Variants in NAV2 observed in about 807,000 individuals in gnomAD.
NAV2 encodes the protein helicase, APC down-regulated 1.
In NAV2, 54 loss-of-function variants were observed where a neutral mutation model predicts 223.2. The ratio of observed to expected loss-of-function variants is 0.24; its 90% CI spans 0.19 to 0.30. The LOEUF is 0.30. NAV2 is among the 10% of genes least tolerant of loss of function. The pLI, the probability that NAV2 is intolerant of heterozygous loss-of-function variation, is 1.00. For synonymous variants in NAV2, 1,279 were observed against 1,239.3 expected (o/e 1.03, Z -0.67); for missense variants, 2,806 against 3,147.5 (o/e 0.89, Z 2.60).
chr11:19,847,471 GC>G (rs1343768551), intron 3 of NAV2, among the ~76,000 whole-genome samples: 1 of 152,138 alleles, frequency 6.6e-6, no homozygotes, highest in East Asian at 1.9e-4. Context: ...GAGTCCTCCT[GC>G]CTTCTTCCCT....
At chr11:19,949,931 T>A (rs1457614696) in intron 10 of NAV2, among the ~76,000 whole-genome samples, 1 of 152,178 alleles carries the variant, frequency 6.6e-6, no homozygotes, top group Non-Finnish European at 1.5e-5. Flanking sequence ...ATATATGAAG[T>A]GAAGGGGAGT....
chr11:19,440,096 C>T (rs555983753), intron 1 of NAV2, among the ~76,000 whole-genome samples: 2 of 152,288 alleles, frequency 1.3e-5, no homozygotes, highest in Non-Finnish European at 2.9e-5. Flanking sequence ...AATGTTTAGT[C>T]GATCACACAC....
intron 1 of NAV2, among the ~76,000 whole-genome samples, chr11:19,410,430 CAGTT>C (rs1476093740): frequency 6.6e-6 from 1 of 152,168 alleles, no homozygotes; most frequent in Non-Finnish European, 1.5e-5. Flanking sequence ...TACTAAGTAG[CAGTT>C]ATTATCTCTA....
chr11:19,771,677 T>C (rs2055732256), intron 1 of NAV2, among the ~76,000 whole-genome samples: 1 of 152,064 alleles, frequency 6.6e-6, no homozygotes, highest in African/African-American at 2.4e-5. Flanking sequence ...ACATACTAAA[T>C]GCAGTGGCAT....
rs771799866 is a variant in NAV2, at chr11:19,933,817, A to G, written c.1573A>G (p.Ser525Gly). 1.2e-6 allele frequency: 2 copies of G among 1,613,546 alleles called. No individual in the cohort carries two copies. The highest frequency in any genetic ancestry group is 1.7e-6 in the Non-Finnish European group (2 of 1,179,880). Reference sequence around the variant, plus strand: ...CAAGGAGGAGCCAAAAGAAGACCCCAGTGGAGCAGCTGTGCCCGAGATGCC... The same window carrying G: ...CAAGGAGGAGCCAAAAGAAGACCCCGGTGGAGCAGCTGTGCCCGAGATGCC... ...DLKEEPKEDP[S>G]GAAVPEMPKK... The change falls in exon 7 of 38, where the codon AGT (serine) becomes GGT (glycine). Residue 525 changes from serine to glycine, a missense_variant. Transcript: ENST00000349880. The surrounding 1 kb of genome is among the most constrained non-coding windows in gnomAD (Gnocchi z 4.3).
At chr11:19,817,738 A>T (rs1005602877) in intron 1 of NAV2, among the ~76,000 whole-genome samples, 1 of 152,174 alleles carries the variant, frequency 6.6e-6, no homozygotes, top group Admixed American at 6.5e-5. Context: ...TGCTCTACCC[A>T]CTTGGCCCTG....
intron 1 of NAV2, among the ~76,000 whole-genome samples, chr11:19,536,898 G>A (rs1255679311): frequency 2.0e-5 from 3 of 152,178 alleles, no homozygotes; most frequent in Non-Finnish European, 4.4e-5. Flanking sequence ...CATGAACTTG[G>A]GCACAAACAT....
chr11:19,968,938 C>T (rs549542882), intron 10 of NAV2, among the ~76,000 whole-genome samples: 1 of 152,226 alleles, frequency 6.6e-6, no homozygotes, highest in Admixed American at 6.5e-5. Flanking sequence ...TCCTTGTCCG[C>T]AGGCTGGCTG....
At chr11:19,843,048 A>C in intron 3 of NAV2, 125 bp downstream of exon 3, 6 of 749,188 alleles carry the variant, frequency 8.0e-6, no homozygotes, top group Non-Finnish European at 1.3e-5. Flanking sequence ...TAATAAACTC[A>C]CAGCTATTTC....
At chr11:19,540,250 C>T (rs1052375774) in intron 1 of NAV2, among the ~76,000 whole-genome samples, 21 of 152,110 alleles carry the variant, frequency 1.4e-4, no homozygotes, top group Non-Finnish European at 2.6e-4. Context: ...GACTGGTTGC[C>T]GTCAAGGTCT....
At chr11:19,434,849 CTT>C (rs57000125) in intron 1 of NAV2, among the ~76,000 whole-genome samples, 1 of 129,222 alleles carries the variant, frequency 7.7e-6, no homozygotes, top group African/African-American at 2.9e-5. Flanking sequence ...AAGGTTGTGG[CTT>C]TTTTTTTTTT....
At chr11:19,931,274 T>C (rs2045309025) in intron 6 of NAV2, among the ~76,000 whole-genome samples, 1 of 152,134 alleles carries the variant, frequency 6.6e-6, no homozygotes, top group Non-Finnish European at 1.5e-5. Flanking sequence ...CAGGAAAACA[T>C]CCAACAACAC....
intron 1 of NAV2, among the ~76,000 whole-genome samples, chr11:19,614,423 A>G (rs2046734381): frequency 6.6e-6 from 1 of 152,060 alleles, no homozygotes. Flanking sequence ...TTTAATTAAT[A>G]AATTTTATTG....
chr11:19,718,040 T>A (rs1199750889), intron 1 of NAV2, among the ~76,000 whole-genome samples: 1 of 151,732 alleles, frequency 6.6e-6, no homozygotes, highest in African/African-American at 2.4e-5. Flanking sequence ...CTACAGCTGG[T>A]TCTCCCCCAC....
At chr11:19,660,491 G>A (rs757534772) in intron 1 of NAV2, among the ~76,000 whole-genome samples, 8 of 152,068 alleles carry the variant, frequency 5.3e-5, no homozygotes, top group Non-Finnish European at 1.2e-4. Context: ...GTGGCACTGG[G>A]CAATGTCAGG....
chr11:19,730,290 C>G (rs2051637581), intron 1 of NAV2, among the ~76,000 whole-genome samples: 1 of 152,206 alleles, frequency 6.6e-6, no homozygotes, highest in Non-Finnish European at 1.5e-5. Flanking sequence ...ACAATCCAGC[C>G]TTCAGTAACG....
rs191386075 is a variant in NAV2, at chr11:19,785,101, G to A, written c.268-47383G>A. Among the ~76,000 whole-genome samples, 37 of 152,266 alleles carry A rather than the reference G, an allele frequency of 2.4e-4. No homozygotes were observed. The East Asian group carries it at 3.9e-3, about 16-fold the overall frequency. On this transcript the variant is annotated intron_variant, in intron 1 of 37. Transcript: ENST00000349880. Reference sequence around the variant, plus strand: ...ACACAGTGTTTAAATGTTACCGATCGGGTAGGTGACTTCATGCTGGGGCAG... The same window carrying A: ...ACACAGTGTTTAAATGTTACCGATCAGGTAGGTGACTTCATGCTGGGGCAG...
At chr11:20,098,246 C>G (rs2061411876) in intron 31 of NAV2, among the ~76,000 whole-genome samples, 1 of 152,062 alleles carries the variant, frequency 6.6e-6, no homozygotes, top group Non-Finnish European at 1.5e-5. Flanking sequence ...CTTAGAACTC[C>G]AGGCCCACAA....
chr11:19,539,398 T>C (rs2044278944), intron 1 of NAV2, among the ~76,000 whole-genome samples: 1 of 152,248 alleles, frequency 6.6e-6, no homozygotes, highest in African/African-American at 2.4e-5. Context: ...AACCTTGTGG[T>C]GTGCTTTATC....
Sources: gnomAD v4.1 joint callset for allele counts (sites outside exome capture counted in the v4.1 genomes callset) on GRCh38, gnomAD v4.1.1 for gene constraint, Gnocchi (gnomAD v3.1) non-coding constraint, MANE v1.5 for transcripts, NCBI Gene and HGNC (gene_info 2026-07-23, HGNC 2026-07-21) for gene names.